NPR1: variants seen among roughly 807,000 people sequenced by gnomAD.
NPR1 encodes the protein natriuretic peptide receptor 1, also known as atrial natriuretic peptide receptor 1.
A neutral mutation model predicts 116.9 loss-of-function variants in NPR1; 57 were observed. That is an observed-to-expected ratio of 0.49 (90% CI 0.39 to 0.61). The LOEUF (loss-of-function observed/expected upper bound fraction) is 0.61. Ranked by LOEUF, NPR1 falls within the 20% of genes least tolerant of loss-of-function variation. The pLI, the probability that NPR1 is intolerant of heterozygous loss-of-function variation, is 0.00. For missense variants in NPR1, 1,096 were observed against 1,409.8 expected (o/e 0.78, Z 3.56); for synonymous variants, 555 against 601.6 (o/e 0.92, Z 1.13).
rs778226437 is a variant in NPR1, at chr1:153,688,199, C to T, written c.2395C>T (p.Leu799=). The T allele has an allele frequency of 1.9e-6, 3 of 1,613,764 alleles. No homozygotes were observed. The highest frequency in any genetic ancestry group is 2.5e-6 in the Non-Finnish European group (3 of 1,179,800). Residue 799 remains leucine (L), a synonymous_variant, in exon 15 of 22, where the codon CTG becomes TTG. Transcript: ENST00000368680. ...GAGGCCACCATTCCAGCAGATCCGC[C>T]TGACGTTGCGCAAATTTAACAGGTC... is the stretch of plus-strand genomic sequence containing the variant. The part of the protein sequence containing the change: ...QERPPFQQIR[L]TLRKFNRENS...
At chr1:153,684,817 C>T (rs185016900) in intron 7 of NPR1, 147 bp from the exon 8 acceptor site, 242 of 1,115,050 alleles carry the variant, frequency 2.2e-4, no homozygotes, top group Admixed American at 8.7e-4. Flanking sequence ...TTCCCCCAGC[C>T]ATCCTGATTC....
intron 7 of NPR1, 36 bp downstream of exon 7, chr1:153,683,860 G>A: frequency 6.3e-7 from 1 of 1,592,880 alleles, no homozygotes; most frequent in Non-Finnish European, 8.6e-7. Flanking sequence ...TGAGGCTGGG[G>A]GACCCGGAGA....
chr1:153,692,556 T>C (rs1670136664), intron 20 of NPR1, among the ~76,000 whole-genome samples: 1 of 150,582 alleles, frequency 6.6e-6, no homozygotes, highest in Non-Finnish European at 1.5e-5. Context: ...TCGCCCAGCC[T>C]GGATGGAGTG....
At position 153,693,439 on chromosome 1, in the gene NPR1, C is replaced by T. The variant is rs1293107972; in HGVS notation, c.*25C>T. 2.6e-6 allele frequency: 4 copies of T among 1,550,332 alleles called. No individual in the cohort carries two copies. The highest frequency in any genetic ancestry group is 2.4e-5 in the East Asian group (1 of 41,928). Reference sequence around the variant, plus strand: ...ACCTGCCTCCTCTCCTATCCCTCCACACCTCCCTACCCTGTGCCAGAAGCA... The same window carrying T: ...ACCTGCCTCCTCTCCTATCCCTCCATACCTCCCTACCCTGTGCCAGAAGCA... On this transcript the variant is annotated 3_prime_UTR_variant, in exon 22 of 22. Transcript: ENST00000368680.
chr1:153,682,958 G>C (rs1182452781), intron 5 of NPR1, among the ~76,000 whole-genome samples: 1 of 152,260 alleles, frequency 6.6e-6, no homozygotes, highest in Non-Finnish European at 1.5e-5. Context: ...GGCCACAAGG[G>C]ACAGGTCATC....
At chr1:153,692,105 T>C (rs1007980724) in intron 20 of NPR1, among the ~76,000 whole-genome samples, 11 of 152,100 alleles carry the variant, frequency 7.2e-5, no homozygotes, top group Non-Finnish European at 1.6e-4. Flanking sequence ...AATGAGGGTA[T>C]AGCATGAAAT....
rs374212706 is a variant in NPR1, at chr1:153,685,841, G to A, written c.1641G>A (p.Glu547=). ...ATTACGGCTCCCTGCTAACCACAGA[G>A]GGCCAGTTCCAAGTCTTTGCCAAGA... is the stretch of plus-strand genomic sequence containing the variant. The part of the protein sequence containing the change: ...GSNYGSLLTT[E]GQFQVFAKTA... Residue 547 remains glutamate (E), a synonymous_variant, in exon 9 of 22, where the codon GAG becomes GAA. Coordinates refer to ENST00000368680, the MANE Select transcript of NPR1 (RefSeq NM_000906.4). The A allele has an allele frequency of 3.7e-5, 59 of 1,614,014 alleles. No individual in the cohort carries two copies. The African/African-American group carries it at 6.8e-4, about 19-fold the overall frequency.
chr1:153,679,277 C>T lies in NPR1; in HGVS notation c.169C>T (p.Pro57Ser). 1 of 1,528,956 alleles carries T rather than the reference C, an allele frequency of 6.5e-7. No homozygotes were observed. Among genetic ancestry groups the T allele is most frequent in the African/African-American group, 1.4e-5 (1 of 71,090 alleles). The allele number at this position is 1,528,956 out of a possible 1,614,324, so 94.7% of individuals were successfully genotyped here. Residue 57 changes from proline (P) to serine (S), a missense_variant, in exon 1 of 22, where the codon CCC becomes TCC. Coordinates refer to ENST00000368680, the MANE Select transcript of NPR1 (RefSeq NM_000906.4). The surrounding 1 kb of genome is among the most constrained non-coding windows in gnomAD (Gnocchi z 4.2). The stretch of plus-strand genomic sequence containing the variant: ...CCCCTGGTCGTGGGCGCGCGTGGGA[C>T]CCGCCGTGGAGCTGGCCCTGGCCCA... ...SYPWSWARVG[P>S]AVELALAQVK...
Position 153,683,502 on chromosome 1 carries a change from T to C in NPR1, c.1390T>C (p.Cys464Arg). ...KCGFDNEDPA[C>R]NQDHLSTLEV... ...TGGCTTTGACAACGAAGACCCAGCATGCAACCAAGGTGACTGCCCCTTGCC... is the reference window on the plus strand; with the variant it reads ...TGGCTTTGACAACGAAGACCCAGCACGCAACCAAGGTGACTGCCCCTTGCC... The change falls in exon 6 of 22, where the codon TGC becomes CGC. Residue 464 changes from cysteine (C) to arginine (R), a missense_variant. Coordinates refer to ENST00000368680, the MANE Select transcript of NPR1 (RefSeq NM_000906.4). 6.2e-7 allele frequency: 1 copy of C among 1,614,208 alleles called. No homozygotes were observed. The highest frequency in any genetic ancestry group is 8.5e-7 in the Non-Finnish European group (1 of 1,180,032).
rs1188710583 is a variant in NPR1 at position 153,689,248 on chromosome 1, T to C, written c.2625T>C (p.Val875=). The change falls in exon 17 of 22, where the codon GTT becomes GTC. Residue 875 remains valine, a synonymous_variant. Coordinates refer to ENST00000368680, the MANE Select transcript of NPR1 (RefSeq NM_000906.4). The surrounding 1 kb of genome is among the most constrained non-coding windows in gnomAD (Gnocchi z 5.1). ...TGCAGGCCGAAGCCTTTGACAGTGT[T>C]ACCATCTACTTCAGTGACATTGTGG... ...ETVQAEAFDS[V]TIYFSDIVGF... The C allele has an allele frequency of 6.2e-7, 1 of 1,614,196 alleles. No individual in the cohort carries two copies. Among genetic ancestry groups the C allele is most frequent in the Non-Finnish European group, 8.5e-7 (1 of 1,180,032 alleles).
rs76813866 is a variant in NPR1, at chr1:153,688,736, T to G, written c.2418-217T>G. On this transcript the variant is annotated intron_variant, in intron 15 of 21. Transcript: ENST00000368680. ...AACAAAGATGAACAAAATGTCCATATGTCTGAAGCTTCATACTTGACCTTG... is the reference window on the plus strand; with the variant it reads ...AACAAAGATGAACAAAATGTCCATAGGTCTGAAGCTTCATACTTGACCTTG... 2.9e-3 allele frequency: 1,730 copies of G among 592,794 alleles called. 26 individuals carry two copies. The highest frequency in any genetic ancestry group is 0.028 in the African/African-American group (1,517 of 53,926). 36.7% of individuals were successfully genotyped at this position (592,794 alleles called of 1,614,324 possible). A position where few individuals can be genotyped will look rare whatever the true frequency, so the allele number is the denominator to read the frequency against.
Position 153,688,227 on chromosome 1 carries a change from T to TA in NPR1, c.2417+6_2417+7insA, listed in dbSNP as rs1669989361. 6.2e-7 allele frequency: 1 copy of TA among 1,612,226 alleles called. No homozygotes were observed. Among genetic ancestry groups the TA allele is most frequent in the African/African-American group, 1.3e-5 (1 of 74,880 alleles). On this transcript the variant is annotated splice_region_variant and intron_variant, in intron 15 of 21. Transcript: ENST00000368680. ...ACGTTGCGCAAATTTAACAGGTCCC[T>TA]GGTGTTTGTCATGGATCCCCCAGGC...
chr1:153,680,344 C>A (rs1405137301), intron 1 of NPR1, among the ~76,000 whole-genome samples, 157 bp from the exon 2 acceptor site: 1 of 145,574 alleles, frequency 6.9e-6, no homozygotes, highest in Non-Finnish European at 1.5e-5. Flanking sequence ...CTTTCTCCTG[C>A]TGTGGCCTAG....
In NPR1 at chr1:153,693,988, A is replaced by G. The variant is rs1312642099; in HGVS notation, c.*574A>G. ...CAGAGACAATTAAAATCTTTATTCCAGTGACAGTGTCTCTTCTTGAGGGAG... is the reference window on the plus strand; with the variant it reads ...CAGAGACAATTAAAATCTTTATTCCGGTGACAGTGTCTCTTCTTGAGGGAG... On this transcript the variant is annotated 3_prime_UTR_variant, in exon 22 of 22. Transcript: ENST00000368680. 1 of 389,628 alleles carries G rather than the reference A, an allele frequency of 2.6e-6. No individual in the cohort carries two copies. The highest frequency in any genetic ancestry group is 4.5e-5 in the Admixed American group (1 of 22,452). 24.1% of individuals were successfully genotyped at this position (389,628 alleles called of 1,614,324 possible). A position where few individuals can be genotyped will look rare whatever the true frequency, so the allele number is the denominator to read the frequency against.
At position 153,685,821 on chromosome 1, in the gene NPR1, G is replaced by A. The variant is rs61757359; in HGVS notation, c.1621G>A (p.Gly541Ser). ...CTCCTTTCAGAGAGGCTCCAATTAC[G>A]GCTCCCTGCTAACCACAGAGGGCCA... The part of the protein sequence containing the change: ...LTLSGRGSNY[G>S]SLLTTEGQFQ... The change falls in exon 9 of 22, where the codon GGC (glycine) becomes AGC (serine). Residue 541 changes from glycine (G) to serine (S), a missense_variant. By Grantham distance (56) the Gly-to-Ser change is moderately conservative (BLOSUM62 0). Coordinates refer to ENST00000368680, the MANE Select transcript of NPR1 (RefSeq NM_000906.4). 2.9e-3 allele frequency: 4,691 copies of A among 1,614,054 alleles called. 6 individuals are homozygous for A. Among genetic ancestry groups the A allele is most frequent in the Middle Eastern group, 6.1e-3 (37 of 6,060 alleles).
At chr1:153,685,199 C>T (rs1669895556) in intron 8 of NPR1, 115 bp downstream of exon 8, 2 of 1,389,150 alleles carry the variant, frequency 1.4e-6, no homozygotes, top group East Asian at 2.5e-5. Flanking sequence ...CTTTCACTTG[C>T]TGTGTGACCT....
chr1:153,678,898 G>C lies in NPR1; in HGVS notation c.-211G>C, dbSNP rs1669673743. On this transcript the variant is annotated 5_prime_UTR_variant, in exon 1 of 22. Transcript: ENST00000368680. The surrounding 1 kb of genome is among the most constrained non-coding windows in gnomAD (Gnocchi z 5.8). Reference sequence around the variant, plus strand: ...TCCTGGCACCCACCTGCTCCGCGGCGCCCTGCGCGCCCCCCTCGGTCGCGC... The same window carrying C: ...TCCTGGCACCCACCTGCTCCGCGGCCCCCTGCGCGCCCCCCTCGGTCGCGC... The C allele has an allele frequency of 1.7e-6, 1 of 573,418 alleles. No homozygotes were observed. The highest frequency in any genetic ancestry group is 4.2e-5 in the Admixed American group (1 of 23,538). The allele number at this position is 573,418 out of a possible 1,614,324, so 35.5% of individuals were successfully genotyped here.
At position 153,688,127 on chromosome 1, in the gene NPR1, G is replaced by C; in HGVS notation, c.2323G>C (p.Glu775Gln). 6.2e-7 allele frequency: 1 copy of C among 1,613,850 alleles called. No individual in the cohort carries two copies. Among genetic ancestry groups the C allele is most frequent in the Non-Finnish European group, 8.5e-7 (1 of 1,179,848 alleles). Reference sequence around the variant, plus strand: ...CCTGGCCCTGCAGAGTCACCTGGAGGAGTTGGGGCTGCTCATGCAGCGGTG... The same window carrying C: ...CCTGGCCCTGCAGAGTCACCTGGAGCAGTTGGGGCTGCTCATGCAGCGGTG... Reference protein sequence around the residue: ...PSLALQSHLEELGLLMQRCWA... With the variant: ...PSLALQSHLEQLGLLMQRCWA... Residue 775 changes from glutamate to glutamine, a missense_variant, in exon 15 of 22, where the codon GAG becomes CAG. By Grantham distance (29) the Glu-to-Gln change is conservative. Transcript: ENST00000368680.
At chr1:153,687,981 G>T in intron 14 of NPR1, 72 bp from the exon 15 acceptor site, 1 of 1,195,016 alleles carries the variant, frequency 8.4e-7, no homozygotes, top group Non-Finnish European at 1.2e-6. Flanking sequence ...TGCCATCTCA[G>T]CTGGTTGCCC....
Sources: gnomAD v4.1 joint callset for allele counts (sites outside exome capture counted in the v4.1 genomes callset) on GRCh38, gnomAD v4.1.1 for gene constraint, Gnocchi (gnomAD v3.1) non-coding constraint, MANE v1.5 for transcripts, NCBI Gene and HGNC (gene_info 2026-07-23, HGNC 2026-07-21) for gene names.